Variants in SUPT3H observed in about 807,000 individuals in gnomAD.
SUPT3H encodes the protein SPT3 homolog, SAGA and STAGA complex component, also known as transcription initiation protein SPT3 homolog.
A neutral mutation model predicts 44.3 loss-of-function variants in SUPT3H; 44 were observed. That is an observed-to-expected ratio of 0.99 (90% CI 0.78 to 1.28). The LOEUF is 1.28. SUPT3H is among the 50% of genes most tolerant of loss of function. The pLI is 0.00. For synonymous variants in SUPT3H, 124 were observed against 125.6 expected (o/e 0.99, Z 0.09); for missense variants, 380 against 387.1 (o/e 0.98, Z 0.15).
At chr6:44,892,824 G>A (rs1763516133) in intron 10 of SUPT3H, among the ~76,000 whole-genome samples, 1 of 152,042 alleles carries the variant, frequency 6.6e-6, no homozygotes, top group Non-Finnish European at 1.5e-5. Context: ...ACAGCACATG[G>A]CTTCATCAAA....
At chr6:45,015,071 C>G (rs890093198) in intron 4 of SUPT3H, among the ~76,000 whole-genome samples, 180 bp from the exon 5 acceptor site, 1 of 152,130 alleles carries the variant, frequency 6.6e-6, no homozygotes, top group Admixed American at 6.6e-5. Context: ...GGCTAAAATA[C>G]AAGTCTTTTA....
At chr6:45,076,719 T>C (rs1795046193) in intron 3 of SUPT3H, among the ~76,000 whole-genome samples, 1 of 152,178 alleles carries the variant, frequency 6.6e-6, no homozygotes, top group Non-Finnish European at 1.5e-5. Context: ...AATGATTAAG[T>C]TGCAGCCTAC....
chr6:45,052,144 A>G (rs1298994614), intron 3 of SUPT3H, among the ~76,000 whole-genome samples: 1 of 152,186 alleles, frequency 6.6e-6, no homozygotes, highest in Non-Finnish European at 1.5e-5. Flanking sequence ...ATTTAGTTAC[A>G]AGGAGGTGCA....
intron 10 of SUPT3H, among the ~76,000 whole-genome samples, chr6:44,878,859 G>C (rs1421609890): frequency 6.6e-6 from 1 of 152,116 alleles, no homozygotes; most frequent in Non-Finnish European, 1.5e-5. Flanking sequence ...GAAGCCGTGA[G>C]GGACCATGCT....
At chr6:45,213,435 CT>C (rs1286136456) in intron 2 of SUPT3H, among the ~76,000 whole-genome samples, 6 of 151,980 alleles carry the variant, frequency 3.9e-5, no homozygotes, top group African/African-American at 1.4e-4. Context: ...ATGGCCAAAA[CT>C]TTTTTTTAAA....
chr6:44,959,285 C>T (rs1258467615), intron 7 of SUPT3H, among the ~76,000 whole-genome samples: 2 of 152,000 alleles, frequency 1.3e-5, no homozygotes, highest in Non-Finnish European at 2.9e-5. Flanking sequence ...GACTTACAAA[C>T]TTGCAGAGGA....
At chr6:45,059,951 T>A (rs1044883732) in intron 3 of SUPT3H, among the ~76,000 whole-genome samples, 1 of 151,862 alleles carries the variant, frequency 6.6e-6, no homozygotes, top group African/African-American at 2.4e-5. Context: ...ACAGAGGACA[T>A]AAACAAATGG....
intron 2 of SUPT3H, among the ~76,000 whole-genome samples, chr6:45,296,184 C>CTATATATA (rs144309163): frequency 0.039 from 2,667 of 69,234 alleles, 79 homozygotes; most frequent in African/African-American, 0.11. Context: ...CATACACATA[C>CTATATATA]TACACACACA....
At chr6:44,813,711 A>C (rs1454872436) in intron 11 of SUPT3H, among the ~76,000 whole-genome samples, 1 of 151,966 alleles carries the variant, frequency 6.6e-6, no homozygotes, top group Non-Finnish European at 1.5e-5. Flanking sequence ...AAAAATAAAA[A>C]AAATTTAAGA....
chr6:45,042,845 CA>C (rs1381659317), intron 3 of SUPT3H, among the ~76,000 whole-genome samples: 2 of 151,730 alleles, frequency 1.3e-5, no homozygotes, highest in Non-Finnish European at 2.9e-5. Context: ...GGAACCAAGC[CA>C]AATGTCCAAC....
chr6:44,968,944 G>A (rs13216116), intron 6 of SUPT3H, among the ~76,000 whole-genome samples: 69,329 of 151,862 alleles, frequency 0.46, 16,277 homozygotes, highest in Admixed American at 0.55. Context: ...GTCACCCTTT[G>A]TCATATGTGC....
chr6:45,024,026 A>G (rs1583122547), intron 3 of SUPT3H, among the ~76,000 whole-genome samples: 1 of 152,292 alleles, frequency 6.6e-6, no homozygotes, highest in East Asian at 1.9e-4. Context: ...GAACTGGGAA[A>G]CCAATATCAA....
intron 10 of SUPT3H, among the ~76,000 whole-genome samples, chr6:44,884,964 T>C (rs569008422): frequency 1.3e-5 from 2 of 152,112 alleles, no homozygotes; most frequent in Admixed American, 1.3e-4. Context: ...GGAGATTATA[T>C]CCTGCACCTG....
chr6:44,969,589 T>C (rs1777269878), intron 6 of SUPT3H, among the ~76,000 whole-genome samples: 1 of 152,110 alleles, frequency 6.6e-6, no homozygotes, highest in South Asian at 2.1e-4. Flanking sequence ...CTTGAATATA[T>C]GTTTTTAGAA....
chr6:45,253,481 C>G (rs1224157051), intron 2 of SUPT3H, among the ~76,000 whole-genome samples: 2 of 152,052 alleles, frequency 1.3e-5, no homozygotes, highest in Non-Finnish European at 2.9e-5. Context: ...CCCATTCCAT[C>G]TCTAGCTCAG....
chr6:44,904,556 G>C (rs900123151), intron 10 of SUPT3H, among the ~76,000 whole-genome samples: 6 of 152,306 alleles, frequency 3.9e-5, no homozygotes, highest in African/African-American at 1.4e-4. Context: ...CATGCTCATG[G>C]ATAGGAAGAA....
chr6:45,107,639 A>C (rs1799464701), intron 2 of SUPT3H, among the ~76,000 whole-genome samples: 1 of 152,198 alleles, frequency 6.6e-6, no homozygotes, highest in Admixed American at 6.5e-5. Context: ...GATAGTGCCC[A>C]CAGGTACCTT....
chr6:45,245,174 C>G (rs1376061250), intron 2 of SUPT3H, among the ~76,000 whole-genome samples: 1 of 152,024 alleles, frequency 6.6e-6, no homozygotes, highest in Non-Finnish European at 1.5e-5. Context: ...TCAAGAATAT[C>G]TATTTTGGTT....
chr6:45,317,538 A>G (rs1784884011), intron 2 of SUPT3H, among the ~76,000 whole-genome samples: 1 of 152,156 alleles, frequency 6.6e-6, no homozygotes, highest in African/African-American at 2.4e-5. Context: ...GTAAATCCAT[A>G]CATTTACTGT....
Sources: gnomAD v4.1 joint callset for allele counts (sites outside exome capture counted in the v4.1 genomes callset) on GRCh38, gnomAD v4.1.1 for gene constraint, MANE v1.5 for transcripts, NCBI Gene and HGNC (gene_info 2026-07-23, HGNC 2026-07-21) for gene names.